The following RABGAP1L variants were observed in gnomAD, a reference collection of about 807,000 sequenced individuals.
RABGAP1L encodes rab GTPase-activating protein 1-like.
Under a neutral mutation model 137.7 loss-of-function variants are expected in RABGAP1L, and 63 were observed. The ratio of observed to expected loss-of-function variants is 0.46; its 90% CI spans 0.37 to 0.56. The LOEUF (loss-of-function observed/expected upper bound fraction) is 0.56, where lower values mean the gene tolerates loss of function less well. Ranked by LOEUF, RABGAP1L falls within the 20% of genes least tolerant of loss-of-function variation. The pLI, the probability that RABGAP1L is intolerant of heterozygous loss-of-function variation, is 0.00. For missense variants in RABGAP1L, 1,095 were observed against 1,244.0 expected, an observed-to-expected ratio of 0.88 and a Z score of 1.80; for synonymous variants, 431 against 433.7, an observed-to-expected ratio of 0.99 and a Z score of 0.08.
intron 17 of RABGAP1L, among the ~76,000 whole-genome samples, chr1:174,725,951 C>T (rs1004136250): frequency 6.6e-6 from 1 of 151,638 alleles, no homozygotes; most frequent in Middle Eastern, 3.4e-3. Context: ...ACATTGTGCG[C>T]ATGTACCCTG....
At chr1:174,361,230 T>G (rs1457998946) in intron 11 of RABGAP1L, among the ~76,000 whole-genome samples, 5 of 151,934 alleles carry the variant, frequency 3.3e-5, no homozygotes, top group East Asian at 1.9e-4. Flanking sequence ...GTTTTGTTTT[T>G]TTTTTTTTTT....
At chr1:174,780,104 A>T (rs2853053) in intron 18 of RABGAP1L, among the ~76,000 whole-genome samples, 2,371 of 75,476 alleles carry the variant, frequency 0.031, 30 homozygotes, top group South Asian at 0.055. Flanking sequence ...ATAAATAAAT[A>T]AATAAATAAA....
chr1:174,550,999 C>CATGTATATATATATAT (rs1666476011), intron 13 of RABGAP1L, among the ~76,000 whole-genome samples: 1 of 86,372 alleles, frequency 1.2e-5, no homozygotes, highest in African/African-American at 8.3e-5. Flanking sequence ...TATATATACA[C>CATGTATATATATATAT]ATATATATAT....
intron 13 of RABGAP1L, among the ~76,000 whole-genome samples, chr1:174,617,672 A>G (rs1672016366): frequency 6.6e-6 from 1 of 152,256 alleles, no homozygotes; most frequent in Non-Finnish European, 1.5e-5. Context: ...CTTTTTCAAA[A>G]TCCACATCCC....
At chr1:174,678,049 T>G (rs1214285547) in intron 14 of RABGAP1L, among the ~76,000 whole-genome samples, 1 of 152,078 alleles carries the variant, frequency 6.6e-6, no homozygotes, top group African/African-American at 2.4e-5. Context: ...AGTTTAAACT[T>G]TTATGTATGA....
At chr1:174,349,260 C>T (rs1218871989) in intron 11 of RABGAP1L, among the ~76,000 whole-genome samples, 2 of 135,476 alleles carry the variant, frequency 1.5e-5, no homozygotes, top group Non-Finnish European at 3.2e-5. Context: ...CCGGACGGGG[C>T]GGCTGGCCGG....
intron 13 of RABGAP1L, among the ~76,000 whole-genome samples, chr1:174,580,560 C>T (rs538068112): frequency 1.3e-5 from 2 of 151,914 alleles, no homozygotes; most frequent in Admixed American, 6.6e-5. Flanking sequence ...TGTTCTCACT[C>T]ATAGGTGGGA....
chr1:174,618,368 G>T (rs543834606), intron 13 of RABGAP1L, among the ~76,000 whole-genome samples: 1 of 149,624 alleles, frequency 6.7e-6, no homozygotes, highest in Non-Finnish European at 1.5e-5. Flanking sequence ...TGACCCACGC[G>T]TAGCCTAACT....
intron 13 of RABGAP1L, among the ~76,000 whole-genome samples, chr1:174,470,443 G>A (rs1657785625): frequency 6.6e-6 from 1 of 152,088 alleles, no homozygotes; most frequent in Admixed American, 6.6e-5. Flanking sequence ...TGTAATCTCT[G>A]GCCTTCCTTG....
At chr1:174,727,150 G>C (rs1372773659) in intron 17 of RABGAP1L, among the ~76,000 whole-genome samples, 1 of 152,120 alleles carries the variant, frequency 6.6e-6, no homozygotes, top group African/African-American at 2.4e-5. Flanking sequence ...TTTTTCTGAG[G>C]ATTAAATGAG....
At chr1:174,204,040 T>C (rs959677222) in intron 1 of RABGAP1L, among the ~76,000 whole-genome samples, 4 of 151,846 alleles carry the variant, frequency 2.6e-5, no homozygotes, top group Non-Finnish European at 5.9e-5. Context: ...CAACCTCCAC[T>C]TCCCAGGTTC....
intron 19 of RABGAP1L, among the ~76,000 whole-genome samples, chr1:174,926,914 A>G (rs959744218): frequency 3.3e-5 from 5 of 151,996 alleles, no homozygotes; most frequent in African/African-American, 1.2e-4. Flanking sequence ...CTCTACTAAA[A>G]ATACAAAAAT....
chr1:174,376,720 G>C (rs1384885040), intron 12 of RABGAP1L, among the ~76,000 whole-genome samples: 1 of 152,096 alleles, frequency 6.6e-6, no homozygotes, highest in Non-Finnish European at 1.5e-5. Context: ...TTCTTAACCT[G>C]ATAAAAGGTA....
chr1:174,700,977 T>C (rs965362547), intron 16 of RABGAP1L: 2 of 1,079,202 alleles, frequency 1.9e-6, no homozygotes, highest in Non-Finnish European at 2.4e-6. Flanking sequence ...TTTTTTTCAG[T>C]TAACTGAATG....
chr1:174,637,366 C>CT lies in RABGAP1L; in HGVS notation c.1711-3dup. On this transcript the variant is annotated splice_polypyrimidine_tract_variant and intron_variant, in intron 13 of 25. Transcript: ENST00000681986. The stretch of plus-strand genomic sequence containing the variant: ...TTTAATAACCAGGTCTATTTTCTTT[C>CT]TTTTTTAGGACTCAGCCCAGGAGAG... 1 of 1,578,730 alleles carries CT rather than the reference C, an allele frequency of 6.3e-7. No individual in the cohort carries two copies. The highest frequency in any genetic ancestry group is 8.7e-7 in the Non-Finnish European group (1 of 1,152,378).
intron 19 of RABGAP1L, among the ~76,000 whole-genome samples, chr1:174,857,950 T>TA (rs1649590250): frequency 6.6e-6 from 1 of 152,348 alleles, no homozygotes; most frequent in South Asian, 2.1e-4. Flanking sequence ...GTCTAATAGT[T>TA]AAAAGTTAAT....
chr1:174,629,577 C>T (rs992092686), intron 13 of RABGAP1L, among the ~76,000 whole-genome samples: 1 of 152,116 alleles, frequency 6.6e-6, no homozygotes, highest in South Asian at 2.1e-4. Context: ...CTCTGTCGCC[C>T]AGTGGCACGA....
At chr1:174,322,350 G>T (rs1680072686) in intron 11 of RABGAP1L, among the ~76,000 whole-genome samples, 1 of 152,100 alleles carries the variant, frequency 6.6e-6, no homozygotes, top group Non-Finnish European at 1.5e-5. Flanking sequence ...TGGCTTGTCT[G>T]GGCAGTTCTG....
At chr1:174,634,775 T>C (rs1572619581) in intron 13 of RABGAP1L, among the ~76,000 whole-genome samples, 1 of 144,270 alleles carries the variant, frequency 6.9e-6, no homozygotes, top group Middle Eastern at 3.4e-3. Context: ...CAGTAAACTA[T>C]TGCAAGAACA....
Sources: allele counts gnomAD v4.1 joint callset (sites outside exome capture counted in the v4.1 genomes callset), GRCh38; gene constraint gnomAD v4.1.1; transcripts MANE v1.5; gene names NCBI Gene and HGNC (gene_info 2026-07-23, HGNC 2026-07-21).